The following FARS2 variants were observed in gnomAD, a reference collection of about 807,000 sequenced individuals.
The protein encoded by FARS2 is phenylalanyl-tRNA synthetase 2, mitochondrial.
FARS2 carries 40 observed loss-of-function variants against 46.4 expected under a neutral mutation model. The ratio of observed to expected loss-of-function variants is 0.86; its 90% CI spans 0.67 to 1.12. The LOEUF is 1.12. Among genes scored for constraint, FARS2 ranks in the 50% most tolerant of loss-of-function variants. The pLI is 0.00. For missense variants in FARS2, 513 were observed against 567.9 expected (o/e 0.90, Z 0.98); for synonymous variants, 234 against 214.9 (o/e 1.09, Z -0.78).
At chr6:5,395,624 A>G (rs1157569572) in intron 2 of FARS2, among the ~76,000 whole-genome samples, 1 of 152,132 alleles carries the variant, frequency 6.6e-6, no homozygotes, top group Non-Finnish European at 1.5e-5. Context: ...TCCTCTCCTT[A>G]TTCTCCACTA....
chr6:5,720,908 C>T (rs1759852499), intron 6 of FARS2, among the ~76,000 whole-genome samples: 1 of 152,026 alleles, frequency 6.6e-6, no homozygotes, highest in South Asian at 2.1e-4. Flanking sequence ...TTTTAATTAG[C>T]TGTGCTAGGT....
intron 6 of FARS2, chr6:5,665,498 G>A (rs1412650582): frequency 6.6e-6 from 1 of 152,242 alleles, no homozygotes; most frequent in East Asian, 1.9e-4. Flanking sequence ...GAGACACAGA[G>A]GCCTGGGTGT....
At chr6:5,335,703 A>G (rs1410572675) in intron 1 of FARS2, among the ~76,000 whole-genome samples, 1 of 152,192 alleles carries the variant, frequency 6.6e-6, no homozygotes, top group Non-Finnish European at 1.5e-5. Flanking sequence ...GTCATAAATG[A>G]GTTTTTCACT....
intron 6 of FARS2, among the ~76,000 whole-genome samples, chr6:5,731,946 G>A (rs1245003614): frequency 6.6e-6 from 1 of 152,056 alleles, no homozygotes; most frequent in Non-Finnish European, 1.5e-5. Context: ...CGAGCTAGGA[G>A]AGCCTCCCTG....
chr6:5,260,598 T>TA, upstream of FARS2: 26 of 1,105,556 alleles, frequency 2.4e-5, no homozygotes, highest in Non-Finnish European at 3.1e-5. Context: ...GCACCCCCGG[T>TA]CCCCGGCCCC....
chr6:5,680,545 C>T (rs1280134085), intron 6 of FARS2, among the ~76,000 whole-genome samples: 1 of 152,196 alleles, frequency 6.6e-6, no homozygotes, highest in East Asian at 1.9e-4. Flanking sequence ...ATCGGTCCTG[C>T]CATCAGCACC....
At chr6:5,369,485 G>A (rs1385385139) in intron 2 of FARS2, among the ~76,000 whole-genome samples, 1 of 152,154 alleles carries the variant, frequency 6.6e-6, no homozygotes, top group Non-Finnish European at 1.5e-5. Flanking sequence ...AATAGTCTGT[G>A]GCTCAAATTC....
intron 4 of FARS2, among the ~76,000 whole-genome samples, chr6:5,514,704 C>CT (rs1768677773): frequency 6.6e-6 from 1 of 152,088 alleles, no homozygotes; most frequent in Non-Finnish European, 1.5e-5. Flanking sequence ...CTTGACATCC[C>CT]TATGGGTACA....
At chr6:5,521,731 C>T (rs1256826202) in intron 4 of FARS2, among the ~76,000 whole-genome samples, 1 of 152,210 alleles carries the variant, frequency 6.6e-6, no homozygotes, top group African/African-American at 2.4e-5. Context: ...GATACGACCT[C>T]CCTGGGTAAC....
At chr6:5,514,940 T>C (rs983207001) in intron 4 of FARS2, among the ~76,000 whole-genome samples, 7 of 128,736 alleles carry the variant, frequency 5.4e-5, no homozygotes, top group Non-Finnish European at 1.1e-4. Context: ...AAATGTTTTT[T>C]GTTTTTTGTT....
rs1761125609 is a variant in FARS2, at chr6:5,738,934, G to T, written c.1218-32357G>T. Among the ~76,000 whole-genome samples the T allele has an allele frequency of 2.0e-5, 3 of 152,182 alleles. No individual in the cohort carries two copies. The South Asian group carries it at 6.2e-4, about 32-fold the overall frequency. ...AATATTTAACAGCCAGCGCAGCCTGGACAATGACTCGTTAGAACAGGCATC... is the reference window on the plus strand; with the variant it reads ...AATATTTAACAGCCAGCGCAGCCTGTACAATGACTCGTTAGAACAGGCATC... On this transcript the variant is annotated intron_variant, in intron 6 of 6. Coordinates refer to ENST00000274680, the MANE Select transcript of FARS2 (RefSeq NM_006567.5).
chr6:5,251,356 T>C, the FARS2 span, among the ~76,000 whole-genome samples: 107 of 152,330 alleles, frequency 7.0e-4, 2 homozygotes, highest in African/African-American at 2.3e-3. Context: ...TGTTCTCACA[T>C]TGACTGGCTA....
intron 6 of FARS2, among the ~76,000 whole-genome samples, chr6:5,652,095 G>A (rs1169136280): frequency 6.6e-6 from 1 of 152,182 alleles, no homozygotes; most frequent in African/African-American, 2.4e-5. Flanking sequence ...AGGAAGATCC[G>A]GGAGGGGCAC....
chr6:5,385,427 CTT>C (rs5873979), intron 2 of FARS2, among the ~76,000 whole-genome samples: 107 of 142,756 alleles, frequency 7.5e-4, no homozygotes, highest in African/African-American at 1.8e-3. Flanking sequence ...TTTTTCTTTT[CTT>C]TTTTTTTTTT....
intron 6 of FARS2, among the ~76,000 whole-genome samples, chr6:5,657,590 G>A (rs950656584): frequency 6.6e-6 from 1 of 152,188 alleles, no homozygotes; most frequent in African/African-American, 2.4e-5. Flanking sequence ...CCTCTGCCCT[G>A]GCTAAATGAG....
chr6:5,312,924 A>G (rs962177824), intron 1 of FARS2, among the ~76,000 whole-genome samples: 4 of 152,210 alleles, frequency 2.6e-5, no homozygotes, highest in Non-Finnish European at 4.4e-5. Context: ...GGGCAGTCCC[A>G]ATACCTTGTG....
At chr6:5,748,068 A>T (rs9504506) in intron 6 of FARS2, among the ~76,000 whole-genome samples, 17,961 of 152,036 alleles carry the variant, frequency 0.12, 2,001 homozygotes, top group African/African-American at 0.25. Flanking sequence ...AGTTCAACCC[A>T]CATCCCAAGA....
In FARS2 at chr6:5,385,879, A is replaced by G. The variant is rs973522113; in HGVS notation, c.612+16697A>G. Among the ~76,000 whole-genome samples, 9 of 152,202 alleles carry G rather than the reference A, an allele frequency of 5.9e-5. No homozygotes were observed. In the East Asian group the frequency reaches 1.7e-3, roughly 29 times the overall value. On this transcript the variant is annotated intron_variant, in intron 2 of 6. Transcript: ENST00000274680. ...GCCTGTGTCTGTCACTCTGCAGATG[A>G]CTGGCTTATCCCTGGGGCTCAGGGG...
intron 5 of FARS2, among the ~76,000 whole-genome samples, chr6:5,577,209 C>T (rs1773036937): frequency 6.6e-6 from 1 of 152,074 alleles, no homozygotes; most frequent in African/African-American, 2.4e-5. Flanking sequence ...TAATGGGAGT[C>T]AGATTTCTCA....
Sources: allele counts gnomAD v4.1 joint callset (sites outside exome capture counted in the v4.1 genomes callset), GRCh38; gene constraint gnomAD v4.1.1; transcripts MANE v1.5; gene names NCBI Gene and HGNC (gene_info 2026-07-23, HGNC 2026-07-21).